The following COL28A1 variants were observed in gnomAD, a reference collection of about 807,000 sequenced individuals.
COL28A1 encodes collagen alpha-1(XXVIII) chain.
A neutral mutation model predicts 150.2 loss-of-function variants in COL28A1; 161 were observed. The observed-to-expected ratio is 1.07, with a 90% CI of 0.94 to 1.22. The LOEUF is 1.22. COL28A1 is among the 50% of genes most tolerant of loss of function. The pLI, the probability that COL28A1 is intolerant of heterozygous loss-of-function variation, is 0.00. For synonymous variants in COL28A1, 552 were observed against 469.7 expected (o/e 1.18, Z -2.26); for missense variants, 1,617 against 1,388.3 (o/e 1.16, Z -2.62).
chr7:7,478,848 G>A (rs1041422145), intron 13 of COL28A1, among the ~76,000 whole-genome samples: 5 of 152,208 alleles, frequency 3.3e-5, no homozygotes, highest in South Asian at 4.1e-4. Flanking sequence ...TGCGGGGCCC[G>A]CCAAGCCCAT....
chr7:7,352,988 G>A (rs1254843913), downstream of COL28A1, among the ~76,000 whole-genome samples: 1 of 152,164 alleles, frequency 6.6e-6, no homozygotes, highest in African/African-American at 2.4e-5. Context: ...GAAAGGTGAA[G>A]CCTGGGGCTG....
At chr7:7,448,801 T>C (rs1209216813) in intron 18 of COL28A1, among the ~76,000 whole-genome samples, 1 of 152,112 alleles carries the variant, frequency 6.6e-6, no homozygotes, top group African/African-American at 2.4e-5. Context: ...ATATATATGC[T>C]ACAACATGGA....
intron 25 of COL28A1, among the ~76,000 whole-genome samples, chr7:7,425,250 G>A (rs1039633664): frequency 6.6e-6 from 1 of 152,074 alleles, no homozygotes; most frequent in African/African-American, 2.4e-5. Context: ...TTCAAACCCA[G>A]GTATGACTCC....
At position 7,520,109 on chromosome 7, in the gene COL28A1, G is replaced by A. The variant is rs1306422182; in HGVS notation, c.766C>T (p.His256Tyr). The A allele has an allele frequency of 7.5e-7, 1 of 1,340,816 alleles. No individual in the cohort carries two copies. Among genetic ancestry groups the A allele is most frequent in the Admixed American group, 1.7e-5 (1 of 59,390 alleles). The allele number at this position is 1,340,816 out of a possible 1,614,324, so 83.1% of individuals were successfully genotyped here. Residue 256 changes from histidine to tyrosine, a missense_variant, in exon 6 of 35, where the codon CAT (histidine) becomes TAT (tyrosine). Physicochemically the swap from His to Tyr is moderately conservative, Grantham distance 83 (BLOSUM62 2). Coordinates refer to ENST00000399429, the MANE Select transcript of COL28A1 (RefSeq NM_001037763.3). ...DPGDPGPPGT[H>Y]GNPGIKGERG... ...TCACCTTTGATACCTGGATTTCCAT[G>A]TGTACCCTGAAGGCAAAGGGAAAAA... is the stretch of plus-strand genomic sequence containing the variant.
At chr7:7,366,456 G>A (rs2128280908) in intron 33 of COL28A1, among the ~76,000 whole-genome samples, 1 of 152,178 alleles carries the variant, frequency 6.6e-6, no homozygotes, top group Admixed American at 6.5e-5. Flanking sequence ...TTAGGAATAT[G>A]TTTATTATTT....
chr7:7,422,819 C>G (rs1219520540), intron 25 of COL28A1, among the ~76,000 whole-genome samples: 1 of 152,096 alleles, frequency 6.6e-6, no homozygotes, highest in African/African-American at 2.4e-5. Flanking sequence ...TACCAGCTTA[C>G]AGTAATAGAC....
intron 20 of COL28A1, among the ~76,000 whole-genome samples, chr7:7,442,408 A>G (rs1044947682): frequency 6.6e-6 from 1 of 152,222 alleles, no homozygotes; most frequent in Non-Finnish European, 1.5e-5. Context: ...TTCCAAAAAC[A>G]CATCCTAAAA....
intron 32 of COL28A1, 77 bp from the exon 33 acceptor site, chr7:7,370,959 A>G (rs750823945): frequency 1.0e-6 from 1 of 957,312 alleles, no homozygotes. Context: ...AAAGATCTGC[A>G]CTCTCCTTAA....
At chr7:7,470,713 A>G (rs1788335541) in intron 15 of COL28A1, among the ~76,000 whole-genome samples, 1 of 102,856 alleles carries the variant, frequency 9.7e-6, no homozygotes, top group African/African-American at 4.6e-5. Context: ...AACCAACCCA[A>G]ATGTCCAACA....
chr7:7,512,210 A>G (rs1438714484), intron 8 of COL28A1, among the ~76,000 whole-genome samples: 1 of 152,178 alleles, frequency 6.6e-6, no homozygotes, highest in Non-Finnish European at 1.5e-5. Context: ...ACCAGGGGTA[A>G]TTGGTGGAAA....
At chr7:7,536,034 A>G (rs1782622356), upstream of COL28A1, among the ~76,000 whole-genome samples, 1 of 152,218 alleles carries the variant, frequency 6.6e-6, no homozygotes, top group South Asian at 2.1e-4. Context: ...AGACTATTGT[A>G]AAAACAACTT....
chr7:7,443,569 A>C lies in COL28A1; in HGVS notation c.1650+16T>G. ...CAGAACACAGGCTGCTTCCACCAAC[A>C]CTGTCATTTCCATACCTTGGGGCCA... On this transcript the variant is annotated intron_variant, in intron 20 of 34. Transcript: ENST00000399429. 1 of 1,613,828 alleles carries C rather than the reference A, an allele frequency of 6.2e-7. No individual in the cohort carries two copies. The highest frequency in any genetic ancestry group is 8.5e-7 in the Non-Finnish European group (1 of 1,179,914).
chr7:7,500,877 G>A (rs544900682), intron 11 of COL28A1, among the ~76,000 whole-genome samples: 38 of 152,234 alleles, frequency 2.5e-4, no homozygotes, highest in African/African-American at 9.1e-4. Context: ...CAAAAACTGT[G>A]GTGTGGTGCA....
chr7:7,426,233 T>G (rs1212462643), intron 25 of COL28A1, among the ~76,000 whole-genome samples: 1 of 152,166 alleles, frequency 6.6e-6, no homozygotes, highest in Non-Finnish European at 1.5e-5. Flanking sequence ...GAAGTCAAAG[T>G]GATGATAGCA....
chr7:7,360,518 G>A lies in COL28A1; in HGVS notation c.3077C>T (p.Thr1026Ile), dbSNP rs1780594831. 1.9e-6 allele frequency: 3 copies of A among 1,600,730 alleles called. No individual in the cohort carries two copies. The highest frequency in any genetic ancestry group is 2.6e-6 in the Non-Finnish European group (3 of 1,176,254). ...QKEISESLSV[T>I]RDQDEDDKAP... ...CTTATCATCTTCATCCTGGTCTCTGGTGACACTCAACTACACAAAAATATT... is the reference window on the plus strand; with the variant it reads ...CTTATCATCTTCATCCTGGTCTCTGATGACACTCAACTACACAAAAATATT... The change falls in exon 34 of 35, where the codon ACC becomes ATC. Residue 1026 changes from threonine to isoleucine, a missense_variant. Thr to Ile is a moderately conservative substitution (Grantham distance 89, BLOSUM62 -1). Coordinates refer to ENST00000399429, the MANE Select transcript of COL28A1 (RefSeq NM_001037763.3).
chr7:7,354,626 CA>C (rs139380203), downstream of COL28A1, among the ~76,000 whole-genome samples: 4,383 of 152,268 alleles, frequency 0.029, 104 homozygotes, highest in Non-Finnish European at 0.046. Flanking sequence ...CTATTGATTT[CA>C]GCAAGAATCT....
intron 27 of COL28A1, among the ~76,000 whole-genome samples, chr7:7,410,640 TC>T (rs1179060785): frequency 3.1e-4 from 43 of 137,422 alleles, no homozygotes; most frequent in African/African-American, 1.2e-3. Context: ...GGTTTTGTCT[TC>T]CTTTTTTTTT....
At chr7:7,537,010 A>G (rs564044249), upstream of COL28A1, among the ~76,000 whole-genome samples, 3 of 152,360 alleles carry the variant, frequency 2.0e-5, no homozygotes, top group East Asian at 5.8e-4. Flanking sequence ...CTCTTATGGC[A>G]TATTCCTAGT....
intron 20 of COL28A1, 131 bp downstream of exon 20, chr7:7,443,454 G>C (rs1583386348): frequency 7.3e-7 from 1 of 1,374,474 alleles, no homozygotes; most frequent in East Asian, 2.4e-5. Context: ...TTCCAAGACA[G>C]TATTCATACT....
Sources: gnomAD v4.1 joint callset for allele counts (sites outside exome capture counted in the v4.1 genomes callset) on GRCh38, gnomAD v4.1.1 for gene constraint, MANE v1.5 for transcripts, NCBI Gene and HGNC (gene_info 2026-07-23, HGNC 2026-07-21) for gene names.